The following HIBCH variants were observed in gnomAD, a reference collection of about 807,000 sequenced individuals.
The protein encoded by HIBCH is 3-hydroxyisobutyryl-CoA hydrolase, mitochondrial.
A neutral mutation model predicts 58.2 loss-of-function variants in HIBCH; 50 were observed. The observed-to-expected ratio is 0.86, with a 90% CI of 0.68 to 1.09. The LOEUF (loss-of-function observed/expected upper bound fraction) is 1.09, where lower values mean the gene tolerates loss of function less well. HIBCH is among the 50% of genes least tolerant of loss of function. The pLI is 0.00. For missense variants in HIBCH, 450 were observed against 449.7 expected (o/e 1.00, Z -0.01); for synonymous variants, 151 against 146.9 (o/e 1.03, Z -0.20).
chr2:190,252,142 G>A lies in HIBCH; in HGVS notation c.663+20C>T. 6.2e-7 allele frequency: 1 copy of A among 1,611,428 alleles called. No homozygotes were observed. The highest frequency in any genetic ancestry group is 8.5e-7 in the Non-Finnish European group (1 of 1,177,796). Reference sequence around the variant, plus strand: ...TGTTGTTATTCCAACAATACAAAATGCAAACATCTGAAAAAGTACCTTTTC... The same window carrying A: ...TGTTGTTATTCCAACAATACAAAATACAAACATCTGAAAAAGTACCTTTTC... On this transcript the variant is annotated intron_variant, in intron 8 of 13. Transcript: ENST00000359678.
At chr2:190,278,092 T>C (rs1687603066) in intron 6 of HIBCH, among the ~76,000 whole-genome samples, 1 of 152,180 alleles carries the variant, frequency 6.6e-6, no homozygotes. Context: ...CTTACAAAAA[T>C]TGTTCCTAAA....
chr2:190,288,485 C>G (rs1687884689), intron 5 of HIBCH, among the ~76,000 whole-genome samples: 1 of 149,286 alleles, frequency 6.7e-6, no homozygotes, highest in Non-Finnish European at 1.5e-5. Flanking sequence ...TAAGGGACCA[C>G]ATACTAGATA....
At chr2:190,256,458 A>C (rs1395606900) in intron 7 of HIBCH, among the ~76,000 whole-genome samples, 1 of 151,144 alleles carries the variant, frequency 6.6e-6, no homozygotes, top group East Asian at 1.9e-4. Flanking sequence ...AAAAAAAAAA[A>C]TAATAATAAT....
Position 190,259,484 on chromosome 2 carries a change from G to A in HIBCH, c.517+1672C>T, listed in dbSNP as rs375096266. On this transcript the variant is annotated intron_variant, in intron 7 of 13. Coordinates refer to ENST00000359678, the MANE Select transcript of HIBCH (RefSeq NM_014362.4). ...AGCCATCCTTTTATCTCCACCTCCTGAGCAGCTGGAACCACAGGCACACGC... is the reference window on the plus strand; with the variant it reads ...AGCCATCCTTTTATCTCCACCTCCTAAGCAGCTGGAACCACAGGCACACGC... 1.7e-4 allele frequency among the ~76,000 whole-genome samples: 26 copies of A among 151,870 alleles called. No individual in the cohort carries two copies. The East Asian group carries it at 2.7e-3, about 16-fold the overall frequency.
chr2:190,202,382 G>A (rs1690272519), downstream of HIBCH: 1 of 166,954 alleles, frequency 6.0e-6, no homozygotes, highest in South Asian at 2.1e-4. Context: ...CATAATCAGT[G>A]AGCTAGTGGA....
intron 6 of HIBCH, among the ~76,000 whole-genome samples, chr2:190,272,304 T>C (rs1456693046): frequency 1.3e-5 from 2 of 152,148 alleles, no homozygotes; most frequent in African/African-American, 4.8e-5. Context: ...GTTTTGCTGC[T>C]TGGGTAAAAT....
In HIBCH at chr2:190,306,228, G is replaced by A. The variant is rs558632853; in HGVS notation, c.78+4526C>T. On this transcript the variant is annotated intron_variant, in intron 2 of 13. Transcript: ENST00000359678. This position sits in a 1 kb window ranked among gnomAD's most constrained non-coding sequence, Gnocchi z 4.6. ...CTAGGTCAAGAAATGGAATTTAGCC[G>A]CTGAGGGATGCAATCTGGCATAAGC... Among the ~76,000 whole-genome samples, 11 of 152,140 alleles carry A rather than the reference G, an allele frequency of 7.2e-5. No homozygotes were observed. Among genetic ancestry groups the A allele is most frequent in the East Asian group, 3.9e-4 (2 of 5,176 alleles).
At position 190,288,877 on chromosome 2, in the gene HIBCH, C is replaced by T. The variant is rs148785666; in HGVS notation, c.386-1239G>A. 5.4e-3 allele frequency among the ~76,000 whole-genome samples: 829 copies of T among 152,164 alleles called. 5 individuals are homozygous for T. The highest frequency in any genetic ancestry group is 0.019 in the African/African-American group (787 of 41,528). On this transcript the variant is annotated intron_variant, in intron 5 of 13. Coordinates refer to ENST00000359678, the MANE Select transcript of HIBCH (RefSeq NM_014362.4). Reference sequence around the variant, plus strand: ...CTGTAATCCCAGTACTTTGGGAGGCCGGGGCAGATGGATCACCTAGGGTCA... The same window carrying T: ...CTGTAATCCCAGTACTTTGGGAGGCTGGGGCAGATGGATCACCTAGGGTCA...
chr2:190,272,075 A>C (rs1365720248), intron 6 of HIBCH, among the ~76,000 whole-genome samples: 2 of 149,004 alleles, frequency 1.3e-5, no homozygotes, highest in African/African-American at 2.5e-5. Flanking sequence ...CTCAGCTTAA[A>C]TATAACTTCC....
At chr2:190,264,888 C>T (rs1354085359) in intron 6 of HIBCH, among the ~76,000 whole-genome samples, 3 of 151,862 alleles carry the variant, frequency 2.0e-5, no homozygotes, top group African/African-American at 7.3e-5. Flanking sequence ...TTTGGGAGGC[C>T]GAGGTGGGCG....
chr2:190,216,015 A>C lies in HIBCH; in HGVS notation c.892-2940T>G, dbSNP rs1463766807. The C allele has an allele frequency of 6.6e-6, 1 of 152,552 alleles. No individual in the cohort carries two copies. Among genetic ancestry groups the C allele is most frequent in the Non-Finnish European group, 1.5e-5 (1 of 68,296 alleles). 9.4% of individuals were successfully genotyped at this position (152,552 alleles called of 1,614,324 possible). A position where few individuals can be genotyped will look rare whatever the true frequency, so the allele number is the denominator to read the frequency against. ...AAAGGAAACAGGGGATGACAGAAAGAGAAATAAAAGAAGAAAATGAGCAAG... is the reference window on the plus strand; with the variant it reads ...AAAGGAAACAGGGGATGACAGAAAGCGAAATAAAAGAAGAAAATGAGCAAG... On this transcript the variant is annotated intron_variant, in intron 11 of 13. Coordinates refer to ENST00000359678, the MANE Select transcript of HIBCH (RefSeq NM_014362.4). This position sits in a 1 kb window ranked among gnomAD's most constrained non-coding sequence, Gnocchi z 4.2.
At chr2:190,230,637 G>A (rs1342312514) in intron 11 of HIBCH, among the ~76,000 whole-genome samples, 2 of 152,264 alleles carry the variant, frequency 1.3e-5, no homozygotes, top group African/African-American at 4.8e-5. Context: ...GGAGGCTGCA[G>A]TGAGCCAAGA....
intron 1 of HIBCH, among the ~76,000 whole-genome samples, chr2:190,196,747 T>C (rs1340286510): frequency 6.6e-6 from 1 of 152,196 alleles, no homozygotes; most frequent in Non-Finnish European, 1.5e-5. Context: ...TAAATGAAGC[T>C]TTATTGGATA....
chr2:190,244,823 G>A, intron 11 of HIBCH, 64 bp downstream of exon 11: 1 of 1,041,478 alleles, frequency 9.6e-7, no homozygotes, highest in South Asian at 1.3e-5. Context: ...TACCCCCTTA[G>A]AGAGGCTTCC....
At chr2:190,238,732 G>A (rs769817589) in intron 11 of HIBCH, among the ~76,000 whole-genome samples, 7 of 152,194 alleles carry the variant, frequency 4.6e-5, no homozygotes, top group South Asian at 2.1e-4. Context: ...CAAAGTGCTG[G>A]GATTACAGGC....
intron 9 of HIBCH, among the ~76,000 whole-genome samples, chr2:190,249,399 T>C (rs575918624): frequency 3.0e-4 from 46 of 152,242 alleles, no homozygotes; most frequent in Non-Finnish European, 4.6e-4. Context: ...CACAAGGCTA[T>C]GCACTGAAGT....
At chr2:190,288,106 C>T (rs1357288565) in intron 5 of HIBCH, among the ~76,000 whole-genome samples, 1 of 149,900 alleles carries the variant, frequency 6.7e-6, no homozygotes, top group Non-Finnish European at 1.5e-5. Context: ...CTGCAGTGAG[C>T]TGTGATCATG....
intron 2 of HIBCH, among the ~76,000 whole-genome samples, chr2:190,303,583 T>C (rs1233544593): frequency 6.6e-6 from 1 of 152,032 alleles, no homozygotes; most frequent in Non-Finnish European, 1.5e-5. Flanking sequence ...TAAATATCCA[T>C]GAGTCCACAC....
chr2:190,201,541 A>G (rs986812666), downstream of HIBCH: 1 of 167,096 alleles, frequency 6.0e-6, no homozygotes, highest in African/African-American at 2.4e-5. Context: ...TGAGATAAAT[A>G]TGTATTTGTC....
Sources: gnomAD v4.1 joint callset for allele counts (sites outside exome capture counted in the v4.1 genomes callset) on GRCh38, gnomAD v4.1.1 for gene constraint, Gnocchi (gnomAD v3.1) non-coding constraint, MANE v1.5 for transcripts, NCBI Gene and HGNC (gene_info 2026-07-23, HGNC 2026-07-21) for gene names.